The following KIAA1217 variants were observed in gnomAD, a reference collection of about 807,000 sequenced individuals.
KIAA1217 encodes sickle tail protein homolog.
A neutral mutation model predicts 163.9 loss-of-function variants in KIAA1217; 88 were observed. That is an observed-to-expected ratio of 0.54 (90% CI 0.45 to 0.64). KIAA1217 has a LOEUF of 0.64. Ranked by LOEUF, KIAA1217 falls within the 30% of genes least tolerant of loss-of-function variation. KIAA1217 has a pLI of 0.00. For synonymous variants in KIAA1217, 903 were observed against 923.1 expected (o/e 0.98, Z 0.39); for missense variants, 2,372 against 2,475.0 (o/e 0.96, Z 0.88).
intron 1 of KIAA1217, among the ~76,000 whole-genome samples, chr10:23,959,249 G>T (rs749637869): frequency 1.3e-5 from 2 of 152,102 alleles, no homozygotes; most frequent in Non-Finnish European, 2.9e-5. Context: ...TAAAAGATAT[G>T]CTGGGCACAG....
chr10:23,828,117 G>T (rs935257934), intron 1 of KIAA1217, among the ~76,000 whole-genome samples: 1 of 152,220 alleles, frequency 6.6e-6, no homozygotes, highest in African/African-American at 2.4e-5. Context: ...GTAATAAACT[G>T]CTCAAGGAAC....
In KIAA1217 at chr10:23,868,415, G is replaced by C. The variant is rs1840297717; in HGVS notation, c.-320-138810G>C. Among the ~76,000 whole-genome samples, 3 of 152,076 alleles carry C rather than the reference G, an allele frequency of 2.0e-5. No individual in the cohort carries two copies. In the South Asian group the frequency reaches 6.2e-4, roughly 32 times the overall value. ...ATTCAGTGCTTGCATTGTGCCCAGG[G>C]CTCTAAGAAAGACAGGCAAAGAGAT... On this transcript the variant is annotated intron_variant, in intron 1 of 18. Transcript: ENST00000376462.
chr10:24,000,093 C>A (rs1052574226), intron 1 of KIAA1217, among the ~76,000 whole-genome samples: 1 of 152,022 alleles, frequency 6.6e-6, no homozygotes, highest in African/African-American at 2.4e-5. Flanking sequence ...TACAGTAAAC[C>A]TCATAAAAGT....
chr10:24,434,775 A>G (rs750620130), intron 4 of KIAA1217, among the ~76,000 whole-genome samples: 1 of 152,248 alleles, frequency 6.6e-6, no homozygotes, highest in Non-Finnish European at 1.5e-5. Context: ...TAAACATTTT[A>G]GAACTCCACA....
intron 2 of KIAA1217, among the ~76,000 whole-genome samples, chr10:24,184,029 A>G (rs2066306173): frequency 6.6e-6 from 1 of 152,186 alleles, no homozygotes; most frequent in Admixed American, 6.5e-5. Flanking sequence ...TTTCTGAGTG[A>G]CACTCACACT....
chr10:23,748,153 T>C (rs1487998803), intron 1 of KIAA1217, among the ~76,000 whole-genome samples: 1 of 152,166 alleles, frequency 6.6e-6, no homozygotes, highest in Non-Finnish European at 1.5e-5. Context: ...TGTCCTCCCC[T>C]TGGCCCAGCC....
intron 2 of KIAA1217, among the ~76,000 whole-genome samples, chr10:24,345,671 CT>C (rs2047639482): frequency 6.6e-6 from 1 of 152,142 alleles, no homozygotes; most frequent in African/African-American, 2.4e-5. Context: ...GCCATTTGAA[CT>C]TTCCTTATAT....
intron 2 of KIAA1217, among the ~76,000 whole-genome samples, chr10:24,189,102 T>C (rs2066587341): frequency 1.6e-5 from 2 of 125,496 alleles, no homozygotes; most frequent in Admixed American, 1.6e-4. Context: ...CGAGACTCTG[T>C]CTCAAAAAAA....
At position 24,533,113 on chromosome 10, in the gene KIAA1217, C is replaced by G; in HGVS notation, c.3290C>G (p.Thr1097Arg). 6.2e-7 allele frequency: 1 copy of G among 1,613,864 alleles called. No homozygotes were observed. The highest frequency in any genetic ancestry group is 8.5e-7 in the Non-Finnish European group (1 of 1,179,958). The change falls in exon 16 of 21, where the codon ACA (threonine) becomes AGA (arginine). Residue 1097 changes from threonine to arginine, a missense_variant. This residue lies in a region of KIAA1217 where 1,431 missense variants were observed against 1,470.3 expected (regional missense o/e 0.97). Coordinates refer to ENST00000376454, the MANE Select transcript of KIAA1217 (RefSeq NM_019590.5). ...GGACCAAGCCCACAGACCAGAGCTA[C>G]AAAATATCCAGCAGAGGAGCCTGCT... ...DAGPSPQTRA[T>R]KYPAEEPASA...
At chr10:24,109,794 T>A (rs3904799) in intron 2 of KIAA1217, among the ~76,000 whole-genome samples, 331 of 152,344 alleles carry the variant, frequency 2.2e-3, no homozygotes, top group African/African-American at 7.0e-3. Flanking sequence ...TCATAAAGGA[T>A]TTGGTTTGAG....
intron 2 of KIAA1217, among the ~76,000 whole-genome samples, chr10:24,051,559 T>G (rs1280841049): frequency 1.3e-5 from 2 of 152,166 alleles, no homozygotes; most frequent in Non-Finnish European, 2.9e-5. Context: ...GTTGTGCTAG[T>G]TTACATTCTC....
At chr10:24,015,308 A>C (rs1847424151) in intron 2 of KIAA1217, among the ~76,000 whole-genome samples, 1 of 152,148 alleles carries the variant, frequency 6.6e-6, no homozygotes, top group South Asian at 2.1e-4. Context: ...AAAACAATGA[A>C]GATTTACTGT....
At chr10:24,419,826 T>G (rs1169602392) in intron 3 of KIAA1217, among the ~76,000 whole-genome samples, 1 of 152,160 alleles carries the variant, frequency 6.6e-6, no homozygotes, top group African/African-American at 2.4e-5. Flanking sequence ...ATTATTGTTT[T>G]GTGTGTTATA....
At position 24,251,400 on chromosome 10, in the gene KIAA1217, C is replaced by CAA. The variant is rs55668887; in HGVS notation, c.354+31512_354+31513dup. 8.6e-3 allele frequency among the ~76,000 whole-genome samples: 771 copies of CAA among 90,130 alleles called. 11 individuals are homozygous for CAA. The highest frequency in any genetic ancestry group is 0.067 in the East Asian group (216 of 3,216). 59.1% of individuals were successfully genotyped at this position (90,130 alleles called of 152,430 possible). ...TAAGAAACAGAAAGAGACACTGTCT[C>CAA]AAAAAAAAAAAAAAAAAAAAAACAA... On this transcript the variant is annotated intron_variant, in intron 2 of 20. Transcript: ENST00000376454.
intron 9 of KIAA1217, among the ~76,000 whole-genome samples, chr10:24,511,152 CAAAAAA>C (rs58529942): frequency 2.0e-4 from 7 of 34,512 alleles, no homozygotes; most frequent in African/African-American, 1.2e-3. Flanking sequence ...GACTCTGTCT[CAAAAAA>C]AAAAAAAAAA....
chr10:24,338,775 T>C (rs1431891831), intron 2 of KIAA1217, among the ~76,000 whole-genome samples: 2 of 152,236 alleles, frequency 1.3e-5, no homozygotes, highest in Non-Finnish European at 2.9e-5. Context: ...TTTGTTTTTT[T>C]TGTGGGCTAG....
At chr10:24,029,130 A>AT (rs915190015) in intron 2 of KIAA1217, among the ~76,000 whole-genome samples, 10 of 152,086 alleles carry the variant, frequency 6.6e-5, no homozygotes, top group African/African-American at 4.8e-5. Flanking sequence ...TTTGTCTATG[A>AT]TTTTTTTAGG....
At chr10:24,526,950 A>T (rs371778063) in intron 13 of KIAA1217, among the ~76,000 whole-genome samples, 52 of 152,302 alleles carry the variant, frequency 3.4e-4, no homozygotes, top group Admixed American at 5.2e-4. Context: ...TGTTGATTCA[A>T]TGATCTTTGC....
rs755472454 is a variant in KIAA1217, at chr10:24,524,744, A to G, written c.2878A>G (p.Asn960Asp). The G allele has an allele frequency of 1.2e-4, 187 of 1,601,088 alleles. No individual in the cohort carries two copies. Among genetic ancestry groups the G allele is most frequent in the Non-Finnish European group, 1.5e-4 (178 of 1,170,398 alleles). Residue 960 changes from asparagine (N) to aspartate (D), a missense_variant, in exon 13 of 21, where the codon AAC (asparagine) becomes GAC (aspartate). Asn to Asp is a conservative substitution (Grantham distance 23). This residue lies in a region of KIAA1217 where 1,431 missense variants were observed against 1,470.3 expected (regional missense o/e 0.97). Transcript: ENST00000376454. ...IEEIHSVSAK[N>D]RAVSIEKAEK... ...AGAAATCCACAGTGTGAGTGCCAAG[A>G]ACAGGGCAGTGTCTATCGAGGTAGA...
Sources: gnomAD v4.1 joint callset for allele counts (sites outside exome capture counted in the v4.1 genomes callset) on GRCh38, gnomAD v4.1.1 for gene constraint, gnomAD v4.1.1 regional missense constraint, MANE v1.5 for transcripts, NCBI Gene and HGNC (gene_info 2026-07-23, HGNC 2026-07-21) for gene names.